Variants in IZUMO1R observed in about 807,000 individuals in gnomAD.
The protein encoded by IZUMO1R is IZUMO1 receptor, JUNO, also known as sperm-egg fusion protein Juno.
A neutral mutation model predicts 22.1 loss-of-function variants in IZUMO1R; 24 were observed. The observed-to-expected ratio is 1.09, with a 90% CI of 0.79 to 1.53. The LOEUF (loss-of-function observed/expected upper bound fraction) is 1.53, where lower values mean the gene tolerates loss of function less well. Among genes scored for constraint, IZUMO1R ranks in the 40% most tolerant of loss-of-function variants. IZUMO1R has a pLI of 0.00. For missense variants in IZUMO1R, 308 were observed against 314.9 expected, an observed-to-expected ratio of 0.98 and a Z score of 0.17; for synonymous variants, 133 against 121.2, an observed-to-expected ratio of 1.10 and a Z score of -0.64.
chr11:94,305,518 G>A lies in IZUMO1R; in HGVS notation c.-6-113G>A, dbSNP rs562420401. On this transcript the variant is annotated intron_variant, in intron 1 of 4. Coordinates refer to ENST00000687084, the MANE Select transcript of IZUMO1R (RefSeq NM_001199206.4). ...AGGTCCTAGGAGCAGCCAGAGTGTT[G>A]CAATTATTTGAGGGAGATTGAAGCC... The A allele has an allele frequency of 4.7e-6, 6 of 1,267,292 alleles. 1 individual carries two copies. The South Asian group carries it at 5.4e-5, about 12-fold the overall frequency. The allele number at this position is 1,267,292 out of a possible 1,614,324, so 78.5% of individuals were successfully genotyped here.
In IZUMO1R at chr11:94,307,421, C is replaced by T. The variant is rs1482739384; in HGVS notation, c.485-3C>T. The stretch of plus-strand genomic sequence containing the variant: ...TAAGCTGTCCCTCCTCCATCCCCTG[C>T]AGGGAAGAACCGCTGCCCCAAAGGG... On this transcript the variant is annotated splice_region_variant and splice_polypyrimidine_tract_variant and intron_variant, in intron 4 of 4. Coordinates refer to ENST00000687084, the MANE Select transcript of IZUMO1R (RefSeq NM_001199206.4). 1.2e-5 allele frequency: 20 copies of T among 1,613,708 alleles called. 1 individual carries two copies. The East Asian group carries it at 4.5e-4, about 36-fold the overall frequency.
Position 94,307,760 on chromosome 11 carries a change from A to G in IZUMO1R, c.*68A>G. On this transcript the variant is annotated 3_prime_UTR_variant, in exon 5 of 5. Coordinates refer to ENST00000687084, the MANE Select transcript of IZUMO1R (RefSeq NM_001199206.4). ...TGTGGGTCAGGCCAGGCCATGGCCT[A>G]CCTCCTTCCTCAGGCCCTCCCCTAA... 1 of 1,524,822 alleles carries G rather than the reference A, an allele frequency of 6.6e-7. No homozygotes were observed. Among genetic ancestry groups the G allele is most frequent in the Non-Finnish European group, 9.0e-7 (1 of 1,114,990 alleles). 94.5% of individuals were successfully genotyped at this position (1,524,822 alleles called of 1,614,324 possible).
chr11:94,306,513 T>C lies in IZUMO1R; in HGVS notation c.139T>C (p.Cys47Arg). The C allele has an allele frequency of 6.2e-7, 1 of 1,613,796 alleles. No individual in the cohort carries two copies. The highest frequency in any genetic ancestry group is 8.5e-7 in the Non-Finnish European group (1 of 1,179,770). The change falls in exon 3 of 5, where the codon TGC becomes CGC. Residue 47 changes from cysteine to arginine, a missense_variant and splice_region_variant. Physicochemically the swap from Cys to Arg is radical, Grantham distance 180. Coordinates refer to ENST00000687084, the MANE Select transcript of IZUMO1R (RefSeq NM_001199206.4). Reference sequence around the variant, plus strand: ...CTTTTGTTTCTTCCTCTGCCTTCAGTGCATCCCCTGGAAGGACAATGCCTG... The same window carrying C: ...CTTTTGTTTCTTCCTCTGCCTTCAGCGCATCCCCTGGAAGGACAATGCCTG... ...PSPEDKLYEE[C>R]IPWKDNACCT...
At chr11:94,305,577 G>C (rs1194321834) in intron 1 of IZUMO1R, 54 bp from the exon 2 acceptor site, 7 of 1,596,954 alleles carry the variant, frequency 4.4e-6, no homozygotes, top group South Asian at 3.4e-5. Context: ...TATGATGAAG[G>C]GGGTGGAGTG....
At chr11:94,306,334 C>T (rs932535671) in intron 2 of IZUMO1R, among the ~76,000 whole-genome samples, 179 bp from the exon 3 acceptor site, 1 of 152,046 alleles carries the variant, frequency 6.6e-6, no homozygotes, top group Non-Finnish European at 1.5e-5. Flanking sequence ...TGCCTCTGCC[C>T]TTTGGGTAAA....
chr11:94,305,187 G>A (rs1403011679), intron 1 of IZUMO1R, among the ~76,000 whole-genome samples: 1 of 152,118 alleles, frequency 6.6e-6, no homozygotes, highest in Non-Finnish European at 1.5e-5. Context: ...ATGAAGGTGA[G>A]GGGCCCTGTG....
rs1488667014 is a variant in IZUMO1R at position 94,305,506 on chromosome 11, A to G, written c.-6-125A>G. The G allele has an allele frequency of 1.6e-5, 18 of 1,151,838 alleles. No homozygotes were observed. In the East Asian group the frequency reaches 4.3e-4, roughly 27 times the overall value. The allele number at this position is 1,151,838 out of a possible 1,614,324, so 71.4% of individuals were successfully genotyped here. ...GCCTCCAAAAGAAGGTCCTAGGAGC[A>G]GCCAGAGTGTTGCAATTATTTGAGG... On this transcript the variant is annotated intron_variant, in intron 1 of 4. Transcript: ENST00000687084.
chr11:94,305,548 C>G (rs1944006221), intron 1 of IZUMO1R, 83 bp from the exon 2 acceptor site: 1 of 1,502,218 alleles, frequency 6.7e-7, no homozygotes, highest in Non-Finnish European at 9.1e-7. Flanking sequence ...GAAGCCCATC[C>G]CCCTTTCCCA....
chr11:94,305,653 C>T lies in IZUMO1R; in HGVS notation c.17C>T (p.Pro6Leu), dbSNP rs184112650. ...TAGCAGGCCATGGCATGCTGGTGGC[C>T]GCTCCTGCTAGAGCTGTGGACAGTC... MACWW[P>L]LLLELWTVMP... is the part of the protein sequence containing the mutation. Residue 6 changes from proline to leucine, a missense_variant, in exon 2 of 5, where the codon CCG becomes CTG. Pro to Leu is a moderately conservative substitution (Grantham distance 98). Coordinates refer to ENST00000687084, the MANE Select transcript of IZUMO1R (RefSeq NM_001199206.4). 1.4e-5 allele frequency: 22 copies of T among 1,612,980 alleles called. No homozygotes were observed. The highest frequency in any genetic ancestry group is 1.3e-4 in the Admixed American group (8 of 59,976).
chr11:94,307,328 G>T (rs565673034), intron 4 of IZUMO1R, 28 bp downstream of exon 4: 3 of 1,612,442 alleles, frequency 1.9e-6, no homozygotes, highest in Non-Finnish European at 1.7e-6. Context: ...GGCCTTGGTC[G>T]GGAAGAGGCC....
rs749032666 is a variant in IZUMO1R, at chr11:94,306,561, G to A, written c.187G>A (p.Glu63Lys). The A allele has an allele frequency of 1.9e-6, 3 of 1,613,814 alleles. No homozygotes were observed. The highest frequency in any genetic ancestry group is 1.7e-5 in the Admixed American group (1 of 59,998). ...NACCTLTTSW[E>K]AHLDVSPLYN... is the part of the protein sequence containing the mutation. ...CTGCTGCACCCTCACGACAAGCTGG[G>A]AAGCCCATCTGGATGTATCCCCACT... is the stretch of plus-strand genomic sequence containing the variant. The change falls in exon 3 of 5, where the codon GAA becomes AAA. Residue 63 changes from glutamate to lysine, a missense_variant. Glu to Lys is a moderately conservative substitution (Grantham distance 56). Transcript: ENST00000687084.
Position 94,305,765 on chromosome 11 carries a change from C to T in IZUMO1R, c.129C>T (p.Leu43=). ...HKRVPSPEDK[L]YEECIPWKDN... The stretch of plus-strand genomic sequence containing the variant: ...GAGTGCCCAGCCCAGAAGACAAGCT[C>T]TATGAGGAGGTACAGAGGCCAGACC... The change falls in exon 2 of 5, where the codon CTC becomes CTT. Residue 43 remains leucine (L), a synonymous_variant. Transcript: ENST00000687084. 1.2e-6 allele frequency: 2 copies of T among 1,612,772 alleles called. No homozygotes were observed. The highest frequency in any genetic ancestry group is 1.7e-6 in the Non-Finnish European group (2 of 1,179,596).
intron 1 of IZUMO1R, among the ~76,000 whole-genome samples, chr11:94,305,163 T>G (rs1444316757): frequency 6.6e-6 from 1 of 151,984 alleles, no homozygotes; most frequent in Non-Finnish European, 1.5e-5. Flanking sequence ...GGGGGAGCCA[T>G]GGGCTCCTGG....
In IZUMO1R at chr11:94,307,545, C is replaced by T. The variant is rs1477312037; in HGVS notation, c.606C>T (p.Asn202=). ...TCAAAGCCAGCCCTGAGCGACGGAACAGTGGGCGGTGTCTCCAGAAGTGGT... is the reference window on the plus strand; with the variant it reads ...TCAAAGCCAGCCCTGAGCGACGGAATAGTGGGCGGTGTCTCCAGAAGTGGT... ...NSFKASPERR[N]SGRCLQKWFE... is the part of the protein sequence containing the mutation. Residue 202 remains asparagine, a synonymous_variant, in exon 5 of 5, where the codon AAC becomes AAT. Coordinates refer to ENST00000687084, the MANE Select transcript of IZUMO1R (RefSeq NM_001199206.4). The T allele has an allele frequency of 6.2e-6, 10 of 1,613,616 alleles. No individual in the cohort carries two copies. The highest frequency in any genetic ancestry group is 1.6e-4 in the Middle Eastern group (1 of 6,084).
At position 94,305,717 on chromosome 11, in the gene IZUMO1R, C is replaced by T. The variant is rs1386991406; in HGVS notation, c.81C>T (p.Cys27=). 2 of 1,613,340 alleles carry T rather than the reference C, an allele frequency of 1.2e-6. No individual in the cohort carries two copies. Among genetic ancestry groups the T allele is most frequent in the South Asian group, 1.1e-5 (1 of 91,046 alleles). The part of the protein sequence containing the change: ...TWAGDELLNI[C]MNAKHHKRVP... The stretch of plus-strand genomic sequence containing the variant: ...CTGGGGACGAGCTGCTCAACATCTG[C>T]ATGAATGCCAAACACCACAAGAGAG... Residue 27 remains cysteine (C), a synonymous_variant, in exon 2 of 5, where the codon TGC becomes TGT. Coordinates refer to ENST00000687084, the MANE Select transcript of IZUMO1R (RefSeq NM_001199206.4).
At position 94,307,768 on chromosome 11, in the gene IZUMO1R, C is replaced by T. The variant is rs1944038745; in HGVS notation, c.*76C>T. ...AGGCCAGGCCATGGCCTACCTCCTT[C>T]CTCAGGCCCTCCCCTAAAAGCAGTG... On this transcript the variant is annotated 3_prime_UTR_variant, in exon 5 of 5. Coordinates refer to ENST00000687084, the MANE Select transcript of IZUMO1R (RefSeq NM_001199206.4). 9 of 1,513,306 alleles carry T rather than the reference C, an allele frequency of 5.9e-6. No homozygotes were observed. The highest frequency in any genetic ancestry group is 8.1e-6 in the Non-Finnish European group (9 of 1,106,572). The allele number at this position is 1,513,306 out of a possible 1,614,324, so 93.7% of individuals were successfully genotyped here.
rs1943997586 is a variant in IZUMO1R at position 94,304,772 on chromosome 11, A to G, written c.-114A>G. Among the ~76,000 whole-genome samples, 1 of 152,108 alleles carries G rather than the reference A, an allele frequency of 6.6e-6. No homozygotes were observed. The highest frequency in any genetic ancestry group is 2.4e-5 in the African/African-American group (1 of 41,424). On this transcript the variant is annotated 5_prime_UTR_variant, in exon 1 of 5. It removes the in-frame stop codon of an upstream open reading frame in the 5' UTR. Coordinates refer to ENST00000687084, the MANE Select transcript of IZUMO1R (RefSeq NM_001199206.4). ...GAGTTCTCCTCCTGCACCTGGACCT[A>G]GTAGAAATCAGACTGGGTAATAAAT...
At position 94,307,549 on chromosome 11, in the gene IZUMO1R, G is replaced by A; in HGVS notation, c.610G>A (p.Gly204Arg). The A allele has an allele frequency of 1.2e-6, 2 of 1,613,724 alleles. No individual in the cohort carries two copies. Among genetic ancestry groups the A allele is most frequent in the South Asian group, 1.1e-5 (1 of 91,086 alleles). Residue 204 changes from glycine to arginine, a missense_variant, in exon 5 of 5, where the codon GGG (glycine) becomes AGG (arginine). Physicochemically the swap from Gly to Arg is moderately radical, Grantham distance 125. Transcript: ENST00000687084. ...AGCCAGCCCTGAGCGACGGAACAGTGGGCGGTGTCTCCAGAAGTGGTTTGA... is the reference window on the plus strand; with the variant it reads ...AGCCAGCCCTGAGCGACGGAACAGTAGGCGGTGTCTCCAGAAGTGGTTTGA... ...FKASPERRNS[G>R]RCLQKWFEPA...
intron 3 of IZUMO1R, 142 bp downstream of exon 3, chr11:94,306,864 G>A (rs1399132782): frequency 5.6e-6 from 5 of 891,832 alleles, no homozygotes; most frequent in Non-Finnish European, 8.6e-6. Context: ...AGAGGCCCCT[G>A]CTGGAGAATC....
Sources: allele counts gnomAD v4.1 joint callset (sites outside exome capture counted in the v4.1 genomes callset), GRCh38; gene constraint gnomAD v4.1.1; transcripts MANE v1.5; gene names NCBI Gene and HGNC (gene_info 2026-07-23, HGNC 2026-07-21).